The following MYO6 variants were observed in gnomAD, a reference collection of about 807,000 sequenced individuals.
MYO6 encodes myosin VI.
A neutral mutation model predicts 178.7 loss-of-function variants in MYO6; 74 were observed. That is an observed-to-expected ratio of 0.41 (90% confidence interval 0.34 to 0.50). The LOEUF (loss-of-function observed/expected upper bound fraction) is 0.50, where lower values mean the gene tolerates loss of function less well. Among genes scored for constraint, MYO6 ranks in the 20% least tolerant of loss-of-function variants. The pLI, the probability that MYO6 is intolerant of heterozygous loss-of-function variation, is 0.09. For missense variants in MYO6, 1,330 were observed against 1,547.4 expected (o/e 0.86, Z 2.36); for synonymous variants, 477 against 504.6 (o/e 0.95, Z 0.73).
chr6:75,860,095 C>T (rs964760953), intron 14 of MYO6, among the ~76,000 whole-genome samples: 21 of 152,230 alleles, frequency 1.4e-4, no homozygotes, highest in African/African-American at 5.1e-4. Context: ...GCAGTACTTT[C>T]CTTGTCATGC....
At position 75,881,609 on chromosome 6, in the gene MYO6, G is replaced by A. The variant is rs181473258; in HGVS notation, c.2287-80G>A. The A allele has an allele frequency of 1.9e-5, 27 of 1,433,686 alleles. No homozygotes were observed. In the African/African-American group the frequency reaches 3.1e-4, roughly 16 times the overall value. The allele number at this position is 1,433,686 out of a possible 1,614,324, so 88.8% of individuals were successfully genotyped here. On this transcript the variant is annotated intron_variant, in intron 22 of 34. Transcript: ENST00000369977. ...TTTCAGACAGTTAGATTTTGGATTT[G>A]AATTCTGTTTACATCATGTCTTTAT...
At chr6:75,802,736 C>T (rs936749610) in intron 1 of MYO6, among the ~76,000 whole-genome samples, 19 of 152,082 alleles carry the variant, frequency 1.2e-4, no homozygotes, top group African/African-American at 4.3e-4. Context: ...ATCTCTCCAG[C>T]TTGGCCTCTC....
At chr6:75,759,841 C>T (rs1168362748) in intron 1 of MYO6, among the ~76,000 whole-genome samples, 1 of 151,986 alleles carries the variant, frequency 6.6e-6, no homozygotes, top group African/African-American at 2.4e-5. Flanking sequence ...TTTGATGATC[C>T]GTATAACCCA....
intron 2 of MYO6, among the ~76,000 whole-genome samples, chr6:75,822,489 TTTAATA>T (rs1771993420): frequency 1.4e-5 from 2 of 147,906 alleles, no homozygotes; most frequent in South Asian, 4.4e-4. Context: ...TGTATGTAAA[TTTAATA>T]TTAATATACC....
chr6:75,844,876 G>A lies in MYO6; in HGVS notation c.817-21G>A, dbSNP rs7760587. 1,554,022 of 1,570,522 alleles carry A rather than the reference G, an allele frequency of 0.99. 768,866 individuals are homozygous for A. Among genetic ancestry groups the A allele is most frequent in the East Asian group, 1 (44,554 of 44,554 alleles). ...CCTGTGGATCATATATGTTAATTAT[G>A]TTTAATTTGTTTTGTCATAGTATTT... On this transcript the variant is annotated intron_variant, in intron 9 of 34. Transcript: ENST00000369977.
chr6:75,906,343 T>A (rs1780319571), intron 30 of MYO6, among the ~76,000 whole-genome samples: 1 of 152,180 alleles, frequency 6.6e-6, no homozygotes, highest in South Asian at 2.1e-4. Flanking sequence ...AAGAAATTGT[T>A]CCCATATTTT....
chr6:75,914,266 A>G lies in MYO6; in HGVS notation c.3643A>G (p.Ile1215Val). The change falls in exon 34 of 35, where the codon ATC (isoleucine) becomes GTC (valine). Residue 1215 changes from isoleucine (I) to valine (V), a missense_variant. By Grantham distance (29) the Ile-to-Val change is conservative. This residue lies in a region of MYO6 where 601 missense variants were observed against 626.1 expected (regional missense o/e 0.96). Transcript: ENST00000369977. ...QMELHPDKPP[I>V]LLVAGKDDME... ...GGAACTCCATCCTGACAAGCCACCC[A>G]TCCTACTTGTGGCTGGTGTGTATGA... 1 of 1,614,220 alleles carries G rather than the reference A, an allele frequency of 6.2e-7. No homozygotes were observed. Among genetic ancestry groups the G allele is most frequent in the Non-Finnish European group, 8.5e-7 (1 of 1,180,010 alleles).
At chr6:75,830,195 G>T (rs952775749) in intron 4 of MYO6, among the ~76,000 whole-genome samples, 1 of 152,142 alleles carries the variant, frequency 6.6e-6, no homozygotes, top group African/African-American at 2.4e-5. Context: ...CGAACTAAAG[G>T]TGCCTATGGG....
chr6:75,859,305 C>CT (rs1161462411), intron 14 of MYO6, among the ~76,000 whole-genome samples: 94 of 144,932 alleles, frequency 6.5e-4, no homozygotes, highest in South Asian at 1.5e-3. Context: ...GTCTCTACTT[C>CT]TTTTTTTTTT....
chr6:75,878,570 C>T (rs1240981417), intron 20 of MYO6, among the ~76,000 whole-genome samples: 1 of 152,202 alleles, frequency 6.6e-6, no homozygotes, highest in Non-Finnish European at 1.5e-5. Context: ...AAAATTCAAT[C>T]TGACTGTCTG....
chr6:75,883,120 G>A (rs1043444227), intron 23 of MYO6, among the ~76,000 whole-genome samples: 12 of 151,918 alleles, frequency 7.9e-5, no homozygotes, highest in African/African-American at 2.4e-4. Context: ...AAATGTTGTG[G>A]TAATGCATTT....
At chr6:75,892,320 T>C (rs941667023) in intron 27 of MYO6, among the ~76,000 whole-genome samples, 2 of 152,190 alleles carry the variant, frequency 1.3e-5, no homozygotes, top group Non-Finnish European at 2.9e-5. Flanking sequence ...CTTCTCTTGG[T>C]CTTGGGAAAG....
At chr6:75,894,492 C>A (rs1779139844) in intron 28 of MYO6, among the ~76,000 whole-genome samples, 1 of 152,184 alleles carries the variant, frequency 6.6e-6, no homozygotes, top group South Asian at 2.1e-4. Context: ...CTCAGGTCCT[C>A]ATGAGCTCCT....
chr6:75,896,109 G>C (rs1446699407), intron 29 of MYO6, among the ~76,000 whole-genome samples: 3 of 151,788 alleles, frequency 2.0e-5, no homozygotes, highest in Non-Finnish European at 4.4e-5. Context: ...CTACATATAA[G>C]GATTTTGGAA....
At chr6:75,905,770 T>C (rs1445031753) in intron 30 of MYO6, among the ~76,000 whole-genome samples, 1 of 152,260 alleles carries the variant, frequency 6.6e-6, no homozygotes, top group Non-Finnish European at 1.5e-5. Flanking sequence ...GCTAGTCTTA[T>C]ATGTAACTAA....
At chr6:75,791,223 G>A (rs1230681337) in intron 1 of MYO6, among the ~76,000 whole-genome samples, 16 of 152,174 alleles carry the variant, frequency 1.1e-4, no homozygotes, top group Admixed American at 8.5e-4. Flanking sequence ...GTGAGCCACC[G>A]TGCCCGGCCT....
chr6:75,914,220 A>T lies in MYO6; in HGVS notation c.3597A>T (p.Gly1199=), dbSNP rs751775864. ...GCTGGTGGTATGCCCATTTTGATGG[A>T]CCATGGATTGCCCGGCAAATGGAAC... ...KKGWWYAHFD[G]PWIARQMELH... The change falls in exon 34 of 35, where the codon GGA becomes GGT. Residue 1199 remains glycine (G), a synonymous_variant. Transcript: ENST00000369977. 9 of 1,614,196 alleles carry T rather than the reference A, an allele frequency of 5.6e-6. No individual in the cohort carries two copies. The highest frequency in any genetic ancestry group is 7.6e-6 in the Non-Finnish European group (9 of 1,180,024).
chr6:75,817,490 C>A lies in MYO6; in HGVS notation c.-47-11C>A, dbSNP rs1255709813. The stretch of plus-strand genomic sequence containing the variant: ...CTGATTCATGTTGCTGTATTTGTTC[C>A]TTTGAAACAGGTGACAGTGGATAGT... On this transcript the variant is annotated splice_polypyrimidine_tract_variant and intron_variant, in intron 1 of 34. Coordinates refer to ENST00000369977, the MANE Select transcript of MYO6 (RefSeq NM_004999.4). 1.5e-6 allele frequency: 2 copies of A among 1,320,992 alleles called. No homozygotes were observed. The highest frequency in any genetic ancestry group is 2.2e-6 in the Non-Finnish European group (2 of 912,812). The allele number at this position is 1,320,992 out of a possible 1,614,324, so 81.8% of individuals were successfully genotyped here. A position where few individuals can be genotyped will look rare whatever the true frequency, so the allele number is the denominator to read the frequency against.
chr6:75,894,420 G>A (rs1424935817), intron 28 of MYO6, among the ~76,000 whole-genome samples: 1 of 152,192 alleles, frequency 6.6e-6, no homozygotes, highest in Admixed American at 6.5e-5. Flanking sequence ...CAGGCCTAGG[G>A]GTGGTATGAA....
Sources: allele counts gnomAD v4.1 joint callset (sites outside exome capture counted in the v4.1 genomes callset), GRCh38; gene constraint gnomAD v4.1.1; regional missense constraint gnomAD v4.1.1; transcripts MANE v1.5; gene names NCBI Gene and HGNC (gene_info 2026-07-23, HGNC 2026-07-21).